Variants in TUSC3 observed in about 807,000 individuals in gnomAD.
TUSC3 encodes tumor suppressor candidate 3.
A neutral mutation model predicts 44.8 loss-of-function variants in TUSC3; 45 were observed. The observed-to-expected ratio is 1.00, with a 90% confidence interval of 0.79 to 1.29. TUSC3 has a LOEUF of 1.29. Among genes scored for constraint, TUSC3 ranks in the 50% most tolerant of loss-of-function variants. TUSC3 has a pLI of 0.00. For missense variants in TUSC3, 519 were observed against 437.9 expected (o/e 1.19, Z -1.65); for synonymous variants, 212 against 152.9 (o/e 1.39, Z -2.85).
intron 2 of TUSC3, among the ~76,000 whole-genome samples, chr8:15,499,427 C>T (rs930224817): frequency 4.6e-5 from 7 of 152,126 alleles, no homozygotes; most frequent in East Asian, 3.9e-4. Flanking sequence ...TTTCCAGTCA[C>T]ACTCCACGCC....
At chr8:15,830,925 T>C in the TUSC3 span, among the ~76,000 whole-genome samples, 1 of 152,102 alleles carries the variant, frequency 6.6e-6, no homozygotes, top group South Asian at 2.1e-4. Context: ...CAATTAAAAA[T>C]TAAAAAGGAA....
At chr8:15,813,442 GCTTGTAATA>G in the TUSC3 span, among the ~76,000 whole-genome samples, 1 of 142,448 alleles carries the variant, frequency 7.0e-6, no homozygotes, top group Non-Finnish European at 1.5e-5. Context: ...TTTCTTCTAA[GCTTGTAATA>G]CCATCCTGTA....
chr8:15,748,060 G>T (rs1267870755), intron 8 of TUSC3, among the ~76,000 whole-genome samples: 1 of 152,038 alleles, frequency 6.6e-6, no homozygotes, highest in Non-Finnish European at 1.5e-5. Flanking sequence ...TCACTCTGGG[G>T]CATGTTAGTA....
chr8:15,556,268 G>A (rs1802261006), intron 1 of TUSC3, among the ~76,000 whole-genome samples: 1 of 143,422 alleles, frequency 7.0e-6, no homozygotes, highest in African/African-American at 2.5e-5. Flanking sequence ...TTGGTTTTTT[G>A]TTCTTGAGAT....
intron 2 of TUSC3, among the ~76,000 whole-genome samples, chr8:15,523,652 ATATATATATATATGTGTGTG>A (rs1563273583): frequency 3.5e-5 from 1 of 28,358 alleles, no homozygotes; most frequent in Non-Finnish European, 7.4e-5. Context: ...ATATATATAT[ATATATATATATATGTGTGTG>A]TGTGTGTGTG....
chr8:15,518,048 C>T (rs1801246026), intron 2 of TUSC3, among the ~76,000 whole-genome samples: 1 of 151,922 alleles, frequency 6.6e-6, no homozygotes, highest in South Asian at 2.1e-4. Flanking sequence ...TTGCCAGCCT[C>T]CGGTAACCAA....
At chr8:15,721,660 GA>G (rs1810308856) in intron 6 of TUSC3, among the ~76,000 whole-genome samples, 1 of 152,006 alleles carries the variant, frequency 6.6e-6, no homozygotes, top group African/African-American at 2.4e-5. Context: ...AAAATTCTAT[GA>G]AAGTAATTAT....
chr8:15,453,634 C>G (rs1800220730), intron 1 of TUSC3, among the ~76,000 whole-genome samples: 1 of 98,912 alleles, frequency 1.0e-5, no homozygotes, highest in Non-Finnish European at 2.9e-5. Context: ...AGCCAAGACA[C>G]AGACAAACAC....
chr8:15,537,351 C>G (rs754873761), upstream of TUSC3, among the ~76,000 whole-genome samples: 16 of 152,300 alleles, frequency 1.1e-4, no homozygotes, highest in South Asian at 2.1e-4. Context: ...CTGAACGAAA[C>G]CAATGCATTT....
intron 2 of TUSC3, among the ~76,000 whole-genome samples, chr8:15,504,236 G>A (rs574361318): frequency 1.3e-4 from 20 of 151,972 alleles, no homozygotes; most frequent in South Asian, 1.2e-3. Context: ...GAGAGCCTCC[G>A]TTTCCTCAGT....
At chr8:15,595,595 G>A (rs916153515) in intron 1 of TUSC3, among the ~76,000 whole-genome samples, 14 of 152,088 alleles carry the variant, frequency 9.2e-5, no homozygotes, top group African/African-American at 2.7e-4. Context: ...TGTTTCAGGC[G>A]GGTGGGCAAA....
rs184421953 is a variant in TUSC3, at chr8:15,611,756, T to G, written c.139-11324T>G. On this transcript the variant is annotated intron_variant, in intron 1 of 10. Coordinates refer to ENST00000503731, the MANE Select transcript of TUSC3 (RefSeq NM_006765.4). ...CTATCAGTTTGTAATGTAGATGAGG[T>G]GGTATAGTGCTTAATCTCTGATTTT... Among the ~76,000 whole-genome samples, 6 of 152,168 alleles carry G rather than the reference T, an allele frequency of 3.9e-5. 1 individual carries two copies. The highest frequency in any genetic ancestry group is 7.4e-5 in the Non-Finnish European group (5 of 68,000).
At chr8:15,703,487 G>A (rs1809489268) in intron 6 of TUSC3, among the ~76,000 whole-genome samples, 2 of 152,030 alleles carry the variant, frequency 1.3e-5, no homozygotes, top group African/African-American at 4.8e-5. Context: ...GGGCAGCCTT[G>A]TTGTCTTTGG....
chr8:15,758,408 A>T, intron 10 of TUSC3: 1 of 327,290 alleles, frequency 3.1e-6, no homozygotes, highest in Non-Finnish European at 4.4e-6. Flanking sequence ...TAAAAATATA[A>T]TTTTATATGT....
At chr8:15,829,519 G>A in the TUSC3 span, among the ~76,000 whole-genome samples, 1 of 151,874 alleles carries the variant, frequency 6.6e-6, no homozygotes, top group East Asian at 2.0e-4. Context: ...CAACATAAAT[G>A]AGTCCTTTGT....
chr8:15,620,330 A>G (rs1335160708), intron 1 of TUSC3, among the ~76,000 whole-genome samples: 1 of 152,242 alleles, frequency 6.6e-6, no homozygotes, highest in Non-Finnish European at 1.5e-5. Flanking sequence ...TGATGGGACT[A>G]ACAGGCATTT....
At chr8:15,608,940 G>C (rs767265461) in intron 1 of TUSC3, among the ~76,000 whole-genome samples, 1 of 152,052 alleles carries the variant, frequency 6.6e-6, no homozygotes, top group South Asian at 2.1e-4. Context: ...AACTTGACTT[G>C]CTCTTGCCAT....
intron 2 of TUSC3, among the ~76,000 whole-genome samples, chr8:15,625,377 C>T (rs1805454942): frequency 6.6e-6 from 1 of 151,958 alleles, no homozygotes; most frequent in Non-Finnish European, 1.5e-5. Context: ...GGGAATGTTA[C>T]CTATTTTAAT....
At chr8:15,685,974 T>C (rs1440888324) in intron 6 of TUSC3, among the ~76,000 whole-genome samples, 1 of 152,116 alleles carries the variant, frequency 6.6e-6, no homozygotes, top group African/African-American at 2.4e-5. Flanking sequence ...TGTTTCTTCA[T>C]TGAGCTTAAA....
Sources: gnomAD v4.1 joint callset for allele counts (sites outside exome capture counted in the v4.1 genomes callset) on GRCh38, gnomAD v4.1.1 for gene constraint, MANE v1.5 for transcripts, NCBI Gene and HGNC (gene_info 2026-07-23, HGNC 2026-07-21) for gene names.